Variants in CSF2RA observed in about 807,000 individuals in gnomAD.
The protein encoded by CSF2RA is colony stimulating factor 2 receptor subunit alpha.
CSF2RA carries 42 observed loss-of-function variants against 51.6 expected under a neutral mutation model. That is an observed-to-expected ratio of 0.81 (90% CI 0.64 to 1.05). CSF2RA has a LOEUF of 1.05. Among genes scored for constraint, CSF2RA ranks in the 50% least tolerant of loss-of-function variants. CSF2RA has a pLI of 0.00. For synonymous variants in CSF2RA, 222 were observed against 193.0 expected, an observed-to-expected ratio of 1.15 and a Z score of -1.24; for missense variants, 530 against 501.1, an observed-to-expected ratio of 1.06 and a Z score of -0.55.
rs147866013 is a variant in CSF2RA, at chrX:1,288,633, C to T, written c.334C>T (p.Pro112Ser). ...AGGATTTCAACAGAAACTGCTTTAT[C>T]CAAATTCAGGTAAGCAAGACAGCTC... ...QRGFQQKLLY[P>S]NSGREGTAAQ... The change falls in exon 5 of 13, where the codon CCA becomes TCA. Residue 112 changes from proline to serine, a missense_variant. Coordinates refer to ENST00000381529, the MANE Select transcript of CSF2RA (RefSeq NM_172245.4). The T allele has an allele frequency of 2.9e-4, 463 of 1,613,852 alleles. 1 individual carries two copies. The highest frequency in any genetic ancestry group is 4.9e-4 in the Middle Eastern group (3 of 6,078).
intron 11 of CSF2RA, 111 bp from the exon 12 acceptor site, chrX:1,305,335 A>G (rs1377700137): frequency 8.2e-7 from 1 of 1,216,564 alleles, no homozygotes; most frequent in East Asian, 2.3e-5. Flanking sequence ...GAAGTTTTGC[A>G]TAGTTGAGCG....
At chrX:1,287,562 G>C (rs1373741475) in intron 4 of CSF2RA, among the ~76,000 whole-genome samples, 1 of 149,442 alleles carries the variant, frequency 6.7e-6, no homozygotes, top group East Asian at 2.0e-4. Flanking sequence ...TCCTGCCTCA[G>C]CCTCCTGAGT....
At chrX:1,325,086 C>T in the CSF2RA span, among the ~76,000 whole-genome samples, 14 of 151,642 alleles carry the variant, frequency 9.2e-5, no homozygotes, top group East Asian at 2.6e-3. Context: ...ACATACTTTG[C>T]GCCGTGGCTC....
chrX:1,294,064 G>A (rs58101953), intron 7 of CSF2RA: 2 of 140,582 alleles, frequency 1.4e-5, no homozygotes, highest in South Asian at 6.6e-5. Context: ...CACCTGGACC[G>A]AGTGTAGACA....
At chrX:1,315,377 T>C (rs1195408020), downstream of CSF2RA, among the ~76,000 whole-genome samples, 23 of 152,058 alleles carry the variant, frequency 1.5e-4, 1 homozygote, top group Non-Finnish European at 2.4e-4. Flanking sequence ...AGATATTTGA[T>C]AGATAGATGA....
In CSF2RA at chrX:1,285,805, G is replaced by C; in HGVS notation, c.104G>C (p.Ser35Thr). Residue 35 changes from serine to threonine, a missense_variant, in exon 4 of 13, where the codon AGT (serine) becomes ACT (threonine). Physicochemically the swap from Ser to Thr is moderately conservative, Grantham distance 58. Coordinates refer to ENST00000381529, the MANE Select transcript of CSF2RA (RefSeq NM_172245.4). ...SDLRTVAPAS[S>T]LNVRFDSRTM... ...CTGCGAACAGTGGCACCAGCCTCTA[G>C]TCTCAATGTGAGGTTTGACTCCAGG... The C allele has an allele frequency of 6.2e-7, 1 of 1,611,736 alleles. No homozygotes were observed.
chrX:1,281,432 T>G (rs1361607148), intron 2 of CSF2RA, among the ~76,000 whole-genome samples: 1 of 59,906 alleles, frequency 1.7e-5, no homozygotes, highest in Non-Finnish European at 3.3e-5. Context: ...TCCTCCTCCT[T>G]CTTCTCCTCC....
intron 2 of CSF2RA, among the ~76,000 whole-genome samples, chrX:1,280,420 A>C (rs764823340): frequency 2.0e-5 from 3 of 151,028 alleles, no homozygotes; most frequent in Non-Finnish European, 3.0e-5. Context: ...GCAGTGAGCC[A>C]AGATTGCACC....
chrX:1,287,661 C>G (rs1352712949), intron 4 of CSF2RA, among the ~76,000 whole-genome samples: 5 of 138,942 alleles, frequency 3.6e-5, no homozygotes, highest in Non-Finnish European at 7.7e-5. Flanking sequence ...CCAGGCTGAT[C>G]TTGAACTCCT....
the CSF2RA span, among the ~76,000 whole-genome samples, chrX:1,324,668 G>A: frequency 2.0e-5 from 3 of 152,138 alleles, no homozygotes; most frequent in South Asian, 2.1e-4. Flanking sequence ...ACTGTGGATG[G>A]AGAGGTTGCT....
intron 4 of CSF2RA, among the ~76,000 whole-genome samples, chrX:1,286,290 C>T (rs1403905364): frequency 5.1e-5 from 7 of 137,988 alleles, no homozygotes; most frequent in South Asian, 4.7e-4. Context: ...GCAATAAGGC[C>T]GGGTGTGGTG....
At chrX:1,314,953 G>GCCTGCCCAACCGCACTGCA (rs2084494881), downstream of CSF2RA, among the ~76,000 whole-genome samples, 2 of 73,874 alleles carry the variant, frequency 2.7e-5, no homozygotes, top group African/African-American at 1.2e-4. Context: ...ACCCCTCTGT[G>GCCTGCCCAACCGCACTGCA]CCTGCCCAAC....
chrX:1,315,774 G>C, the CSF2RA span, among the ~76,000 whole-genome samples: 1 of 3,658 alleles, frequency 2.7e-4, no homozygotes, highest in African/African-American at 7.7e-4. Flanking sequence ...ATAGATAATA[G>C]ATAGATAGAT....
At chrX:1,316,666 G>A in the CSF2RA span, among the ~76,000 whole-genome samples, 5 of 152,188 alleles carry the variant, frequency 3.3e-5, no homozygotes, top group South Asian at 2.1e-4. Flanking sequence ...AGGGAACACC[G>A]GCGTCATGGG....
At position 1,309,536 on chromosome X, in the gene CSF2RA, T is replaced by C; in HGVS notation, c.*57T>C. 6.2e-7 allele frequency: 1 copy of C among 1,613,992 alleles called. No individual in the cohort carries two copies. Among genetic ancestry groups the C allele is most frequent in the Non-Finnish European group, 8.5e-7 (1 of 1,179,862 alleles). Reference sequence around the variant, plus strand: ...CTCCGCCTCCGCGACACGGGGGAACTGTTTTCTTGATGATGCTGTGAACCT... The same window carrying C: ...CTCCGCCTCCGCGACACGGGGGAACCGTTTTCTTGATGATGCTGTGAACCT... On this transcript the variant is annotated 3_prime_UTR_variant, in exon 13 of 13. Coordinates refer to ENST00000381529, the MANE Select transcript of CSF2RA (RefSeq NM_172245.4).
chrX:1,293,126 C>CA (rs2091557084), intron 7 of CSF2RA, among the ~76,000 whole-genome samples: 1 of 152,224 alleles, frequency 6.6e-6, no homozygotes, highest in Admixed American at 6.5e-5. Context: ...CATCTCAAGG[C>CA]AAAACAGTGG....
intron 7 of CSF2RA, among the ~76,000 whole-genome samples, chrX:1,292,973 G>A (rs182481086): frequency 6.6e-5 from 10 of 152,108 alleles, no homozygotes; most frequent in South Asian, 2.1e-4. Context: ...GCGGCTTTCC[G>A]CAGTGCATGG....
chrX:1,283,077 C>T (rs767814030), intron 3 of CSF2RA, among the ~76,000 whole-genome samples: 16 of 152,160 alleles, frequency 1.1e-4, no homozygotes, highest in African/African-American at 3.6e-4. Flanking sequence ...CCCATGTCTG[C>T]ATGGGGCCAA....
intron 4 of CSF2RA, among the ~76,000 whole-genome samples, chrX:1,286,944 G>C (rs1390383849): frequency 6.6e-6 from 1 of 151,962 alleles, no homozygotes; most frequent in African/African-American, 2.4e-5. Context: ...GCGGGGAGAG[G>C]GGAGGGAAGG....
Sources: allele counts gnomAD v4.1 joint callset (sites outside exome capture counted in the v4.1 genomes callset), GRCh38; gene constraint gnomAD v4.1.1; transcripts MANE v1.5; gene names NCBI Gene and HGNC (gene_info 2026-07-23, HGNC 2026-07-21).